SLC29A4: variants seen among roughly 807,000 people sequenced by gnomAD.
SLC29A4 encodes the protein equilibrative nucleoside transporter 4.
A neutral mutation model predicts 43.9 loss-of-function variants in SLC29A4; 36 were observed. The observed-to-expected ratio is 0.82, with a 90% CI of 0.63 to 1.08. The LOEUF (loss-of-function observed/expected upper bound fraction) is 1.08. Ranked by LOEUF, SLC29A4 falls within the 50% of genes least tolerant of loss-of-function variation. The probability of loss-of-function intolerance (pLI) is 0.00; values close to 1 mark genes in which losing one functional copy is unlikely to be tolerated. For missense variants in SLC29A4, 869 were observed against 755.3 expected (o/e 1.15, Z -1.77); for synonymous variants, 491 against 338.0 (o/e 1.45, Z -4.97).
chr7:5,304,360 G>A lies in SLC29A4; in HGVS notation c.*1421G>A, dbSNP rs1786377882. The stretch of plus-strand genomic sequence containing the variant: ...TGGCCACATGCAGCCCATTTGAAGG[G>A]GAAACAAAGTGGGCGGGGCTTGGCC... On this transcript the variant is annotated 3_prime_UTR_variant, in exon 11 of 11. Transcript: ENST00000396872. 6.6e-6 allele frequency: 1 copy of A among 151,570 alleles called. No homozygotes were observed. The highest frequency in any genetic ancestry group is 2.4e-5 in the African/African-American group (1 of 41,240). The allele number at this position is 151,570 out of a possible 1,614,324, so 9.4% of individuals were successfully genotyped here.
intron 1 of SLC29A4, among the ~76,000 whole-genome samples, chr7:5,286,397 C>T (rs919015912): frequency 4.0e-5 from 6 of 151,598 alleles, no homozygotes; most frequent in African/African-American, 1.5e-4. Context: ...GCGGCGGGCA[C>T]CTGTAGTCCC....
intron 7 of SLC29A4, among the ~76,000 whole-genome samples, chr7:5,298,511 G>C (rs1056970020): frequency 9.2e-5 from 14 of 152,154 alleles, no homozygotes; most frequent in African/African-American, 3.4e-4. Context: ...GTGAGAGAGA[G>C]CCAGGCGCAG....
intron 1 of SLC29A4, among the ~76,000 whole-genome samples, chr7:5,283,445 G>A (rs955071612): frequency 3.3e-5 from 5 of 151,926 alleles, no homozygotes; most frequent in Non-Finnish European, 7.4e-5. Context: ...GGAAAAAGCG[G>A]CCGGGAGAGG....
At chr7:5,289,306 A>G (rs948846660) in intron 2 of SLC29A4, among the ~76,000 whole-genome samples, 2 of 152,134 alleles carry the variant, frequency 1.3e-5, no homozygotes, top group Admixed American at 1.3e-4. Flanking sequence ...CTGAGACAGG[A>G]GAATCACTTG....
chr7:5,293,862 T>G (rs1259419878), intron 5 of SLC29A4, among the ~76,000 whole-genome samples: 1 of 152,088 alleles, frequency 6.6e-6, no homozygotes, highest in Non-Finnish European at 1.5e-5. Context: ...ATCCCAGCAT[T>G]TTGGGAGGCT....
Position 5,300,410 on chromosome 7 carries a change from G to T in SLC29A4, c.1210-12G>T, listed in dbSNP as rs779363672. 8 of 1,610,920 alleles carry T rather than the reference G, an allele frequency of 5.0e-6. No individual in the cohort carries two copies. In the South Asian group the frequency reaches 5.5e-5, roughly 11 times the overall value. Reference sequence around the variant, plus strand: ...GCCGGGACAGGGCGCCCACTTGCCTGGCTCTCTGCAGATCCTGGCAGCCCT... The same window carrying T: ...GCCGGGACAGGGCGCCCACTTGCCTTGCTCTCTGCAGATCCTGGCAGCCCT... On this transcript the variant is annotated splice_polypyrimidine_tract_variant and intron_variant, in intron 9 of 10. Transcript: ENST00000396872.
chr7:5,295,444 C>T (rs1197805452), intron 6 of SLC29A4, among the ~76,000 whole-genome samples: 1 of 152,270 alleles, frequency 6.6e-6, no homozygotes, highest in African/African-American at 2.4e-5. Context: ...CACCCCTTCT[C>T]AGCAAATGGC....
At chr7:5,302,149 C>T (rs11533952) in intron 10 of SLC29A4, among the ~76,000 whole-genome samples, 29,152 of 151,970 alleles carry the variant, frequency 0.19, 3,530 homozygotes, top group East Asian at 0.54. Flanking sequence ...TGAGATTTCA[C>T]CATCTTGGCC....
At chr7:5,298,595 C>T (rs1314062505) in intron 7 of SLC29A4, among the ~76,000 whole-genome samples, 1 of 152,092 alleles carries the variant, frequency 6.6e-6, no homozygotes, top group Non-Finnish European at 1.5e-5. Flanking sequence ...AGTTTGAGAT[C>T]AGCCTGGGCA....
At chr7:5,302,258 G>C (rs1786222335) in intron 10 of SLC29A4, among the ~76,000 whole-genome samples, 1 of 152,162 alleles carries the variant, frequency 6.6e-6, no homozygotes, top group Admixed American at 6.5e-5. Context: ...GCTGAGACTG[G>C]AGATTAAAAT....
chr7:5,288,514 G>A (rs1028974535), intron 2 of SLC29A4, among the ~76,000 whole-genome samples: 5 of 151,560 alleles, frequency 3.3e-5, no homozygotes, highest in African/African-American at 1.2e-4. Flanking sequence ...CCGTGGTCTC[G>A]ATCTCCTGAC....
chr7:5,290,190 A>T (rs537435347), intron 2 of SLC29A4, among the ~76,000 whole-genome samples: 1 of 151,818 alleles, frequency 6.6e-6, no homozygotes, highest in East Asian at 1.9e-4. Flanking sequence ...AGTAGCTGGG[A>T]CTACAGGCGC....
At position 5,287,955 on chromosome 7, in the gene SLC29A4, G is replaced by T; in HGVS notation, c.139G>T (p.Ala47Ser). The T allele has an allele frequency of 6.2e-7, 1 of 1,610,362 alleles. No homozygotes were observed. Among genetic ancestry groups the T allele is most frequent in the Non-Finnish European group, 8.5e-7 (1 of 1,179,370 alleles). Residue 47 changes from alanine to serine, a missense_variant, in exon 2 of 11, where the codon GCC becomes TCC. Physicochemically the swap from Ala to Ser is moderately conservative, Grantham distance 99 (BLOSUM62 1). Transcript: ENST00000396872. Reference sequence around the variant, plus strand: ...GGCGGCTCAGGGCCAGGGCCTTAGGGCCAGGGGCGTCCCAGCTTTCACGGA... The same window carrying T: ...GGCGGCTCAGGGCCAGGGCCTTAGGTCCAGGGGCGTCCCAGCTTTCACGGA... Reference protein sequence around the residue: ...AEAAQGQGLRARGVPAFTDTT... With the variant: ...AEAAQGQGLRSRGVPAFTDTT...
Position 5,299,230 on chromosome 7 carries a change from C to T in SLC29A4, c.1022-10C>T, listed in dbSNP as rs747711564. On this transcript the variant is annotated splice_polypyrimidine_tract_variant and intron_variant, in intron 8 of 10. Coordinates refer to ENST00000396872, the MANE Select transcript of SLC29A4 (RefSeq NM_153247.4). The stretch of plus-strand genomic sequence containing the variant: ...GGCGCTGCCTCTGACCCCCGCCCGC[C>T]ACCCTCCAGCCCTGTTACTGCACCG... The T allele has an allele frequency of 3.2e-5, 52 of 1,607,012 alleles. No individual in the cohort carries two copies. The highest frequency in any genetic ancestry group is 4.2e-5 in the Non-Finnish European group (49 of 1,176,106).
Position 5,299,003 on chromosome 7 carries a change from G to A in SLC29A4, c.898G>A (p.Ala300Thr). The A allele has an allele frequency of 6.2e-7, 1 of 1,609,992 alleles. No individual in the cohort carries two copies. Among genetic ancestry groups the A allele is most frequent in the Non-Finnish European group, 8.5e-7 (1 of 1,179,696 alleles). Residue 300 changes from alanine to threonine, a missense_variant, in exon 8 of 11, where the codon GCC becomes ACC. Ala to Thr is a moderately conservative substitution (Grantham distance 58). Coordinates refer to ENST00000396872, the MANE Select transcript of SLC29A4 (RefSeq NM_153247.4). ...GDVHFEHPAP[A>T]LAPNESPKDS... is the part of the protein sequence containing the mutation. ...CTCCCTCCAGGAGCACCCAGCCCCG[G>A]CCCTGGCCCCCAACGAGTCCCCAAA...
Position 5,299,331 on chromosome 7 carries a change from C to A in SLC29A4, c.1113C>A (p.Phe371Leu). ...CCTACTTCATCACGCTGTGCCTGTT[C>A]CCCGGCCTCGAGTCTGAGATCCGCC... The part of the protein sequence containing the change: ...AVTYFITLCL[F>L]PGLESEIRHC... The change falls in exon 9 of 11, where the codon TTC becomes TTA. Residue 371 changes from phenylalanine to leucine, a missense_variant. Coordinates refer to ENST00000396872, the MANE Select transcript of SLC29A4 (RefSeq NM_153247.4). 2 of 1,612,048 alleles carry A rather than the reference C, an allele frequency of 1.2e-6. No homozygotes were observed. Among genetic ancestry groups the A allele is most frequent in the Non-Finnish European group, 1.7e-6 (2 of 1,179,860 alleles).
At chr7:5,301,138 C>A (rs1400579603) in intron 10 of SLC29A4, among the ~76,000 whole-genome samples, 1 of 152,078 alleles carries the variant, frequency 6.6e-6, no homozygotes, top group Non-Finnish European at 1.5e-5. Context: ...GTAGCGTGCG[C>A]CTATGGTCCC....
chr7:5,288,233 C>T (rs540039890), intron 2 of SLC29A4, among the ~76,000 whole-genome samples: 38 of 150,350 alleles, frequency 2.5e-4, no homozygotes, highest in Admixed American at 1.3e-3. Flanking sequence ...TCTGTCTTAA[C>T]ATGGGCTTTT....
chr7:5,283,899 T>G (rs544803718), intron 1 of SLC29A4, among the ~76,000 whole-genome samples: 1 of 152,072 alleles, frequency 6.6e-6, no homozygotes, highest in South Asian at 2.1e-4. Context: ...GGCCCCCGAG[T>G]GAGGCCAGAC....
Sources: allele counts gnomAD v4.1 joint callset (sites outside exome capture counted in the v4.1 genomes callset), GRCh38; gene constraint gnomAD v4.1.1; transcripts MANE v1.5; gene names NCBI Gene and HGNC (gene_info 2026-07-23, HGNC 2026-07-21).